INF2: variants seen among roughly 807,000 people sequenced by gnomAD.
INF2 encodes inverted formin-2.
INF2 carries 43 observed loss-of-function variants against 123.5 expected under a neutral mutation model. The ratio of observed to expected loss-of-function variants is 0.35; its 90% CI spans 0.27 to 0.45. The LOEUF is 0.45. INF2 is among the 20% of genes least tolerant of loss of function. The pLI is 1.00. For missense variants in INF2, 1,453 were observed against 1,682.7 expected (o/e 0.86, Z 2.39); for synonymous variants, 851 against 745.0 (o/e 1.14, Z -2.32).
chr14:104,685,559 G>A (rs1427340354), upstream of INF2, among the ~76,000 whole-genome samples: 1 of 148,284 alleles, frequency 6.7e-6, no homozygotes, highest in African/African-American at 2.5e-5. Context: ...GCCACAGCTG[G>A]AAGGGTGAGT....
chr14:104,689,291 A>G, upstream of INF2: 1 of 979,758 alleles, frequency 1.0e-6, no homozygotes, highest in Non-Finnish European at 1.2e-6. Flanking sequence ...ATAGGGGTGT[A>G]GGTGGACGGG....
At position 104,703,187 on chromosome 14, in the gene INF2, C is replaced by T. The variant is rs141172921; in HGVS notation, c.474C>T (p.His158=). The T allele has an allele frequency of 9.8e-5, 158 of 1,613,488 alleles. No homozygotes were observed. In the East Asian group the frequency reaches 1.5e-3, roughly 15 times the overall value. Residue 158 remains histidine (H), a synonymous_variant, in exon 3 of 23, where the codon CAC becomes CAT. Transcript: ENST00000392634. ...AALCIYSPEG[H]VLTLDALDHY... ...TGTGCATCTACTCTCCCGAGGGCCA[C>T]GTGCTGACCCTGGACGCCCTGGACC...
Position 104,712,846 on chromosome 14 carries a change from C to T in INF2, c.2629C>T (p.Arg877Trp), listed in dbSNP as rs762706488. 48 of 1,611,326 alleles carry T rather than the reference C, an allele frequency of 3.0e-5. No individual in the cohort carries two copies. Among genetic ancestry groups the T allele is most frequent in the Non-Finnish European group, 3.9e-5 (46 of 1,178,852 alleles). ...ERLQASISAF[R>W]ALDELFEAIE... is the part of the protein sequence containing the mutation. ...CCCCCAGGCCAGCATCTCGGCCTTC[C>T]GGGCACTGGATGAGCTGTTTGAGGC... Residue 877 changes from arginine (R) to tryptophan (W), a missense_variant, in exon 18 of 23, where the codon CGG (arginine) becomes TGG (tryptophan). Arg to Trp is a moderately radical substitution (Grantham distance 101). Around this residue, in one of 8 missense-constraint regions of INF2, gnomAD observed 212 missense variants for 266.2 expected, o/e 0.80. Transcript: ENST00000392634.
rs60660079 is a variant in INF2, at chr14:104,711,229, C to A, written c.2418+43C>A. ...GGGCATAATGGGAGGGCTTCAAGTCCCCCCGGACCTGGGGTGTAGAGGCGT... is the reference window on the plus strand; with the variant it reads ...GGGCATAATGGGAGGGCTTCAAGTCACCCCGGACCTGGGGTGTAGAGGCGT... On this transcript the variant is annotated intron_variant, in intron 15 of 22. Transcript: ENST00000392634. 13,504 of 1,478,116 alleles carry A rather than the reference C, an allele frequency of 9.1e-3. 1,083 individuals are homozygous for A. In the African/African-American group the frequency reaches 0.16, roughly 18 times the overall value. 91.6% of individuals were successfully genotyped at this position (1,478,116 alleles called of 1,614,324 possible). A position where few individuals can be genotyped will look rare whatever the true frequency, so the allele number is the denominator to read the frequency against.
chr14:104,709,254 C>T lies in INF2; in HGVS notation c.1950-27C>T, dbSNP rs777221513. ...TGGGGGTGACTCATGATTCACTCAC[C>T]CCTGCCCGGTCCTCTCCCTGCTCCA... On this transcript the variant is annotated intron_variant, in intron 10 of 22. Coordinates refer to ENST00000392634, the MANE Select transcript of INF2 (RefSeq NM_022489.4). The T allele has an allele frequency of 7.6e-6, 12 of 1,577,822 alleles. 1 individual carries two copies. In the South Asian group the frequency reaches 1.0e-4, roughly 13 times the overall value.
Position 104,710,078 on chromosome 14 carries a change from C to T in INF2, c.2139-10C>T. The T allele has an allele frequency of 6.5e-7, 1 of 1,545,702 alleles. No individual in the cohort carries two copies. The highest frequency in any genetic ancestry group is 8.7e-7 in the Non-Finnish European group (1 of 1,143,548). On this transcript the variant is annotated splice_polypyrimidine_tract_variant and intron_variant, in intron 12 of 22. Transcript: ENST00000392634. ...TGCAGGCCACTGATCCCTGTCTGTG[C>T]CATCCCCAGCTACCAGCTGCGAATC...
rs199526439 is a variant in INF2 at position 104,709,620 on chromosome 14, A to G, written c.2053A>G (p.Ile685Val). 2.5e-4 allele frequency: 397 copies of G among 1,612,126 alleles called. 6 individuals are homozygous for G. The Middle Eastern group carries it at 0.013, about 51-fold the overall frequency. Residue 685 changes from isoleucine to valine, a missense_variant and splice_region_variant, in exon 12 of 23, where the codon ATT (isoleucine) becomes GTT (valine). Physicochemically the swap from Ile to Val is conservative, Grantham distance 29 (BLOSUM62 3). Coordinates refer to ENST00000392634, the MANE Select transcript of INF2 (RefSeq NM_022489.4). ...CCACATGCCGTTCTCCTCCTGGCAG[A>G]TTGAAAACCTGCGGGCATTCACAGA... is the stretch of plus-strand genomic sequence containing the variant. ...LLKLLPEKHE[I>V]ENLRAFTEER... is the part of the protein sequence containing the mutation.
upstream of INF2, among the ~76,000 whole-genome samples, chr14:104,686,834 T>C (rs1888675922): frequency 6.6e-6 from 1 of 152,178 alleles, no homozygotes; most frequent in African/African-American, 2.4e-5. Flanking sequence ...CGCCCACACC[T>C]GCCTGCCTGT....
At position 104,711,165 on chromosome 14, in the gene INF2, G is replaced by A. The variant is rs757862665; in HGVS notation, c.2397G>A (p.Thr799=). 9 of 1,565,458 alleles carry A rather than the reference G, an allele frequency of 5.7e-6. No individual in the cohort carries two copies. In the East Asian group the frequency reaches 7.2e-5, roughly 13 times the overall value. Residue 799 remains threonine (T), a synonymous_variant, in exon 15 of 23, where the codon ACG becomes ACA. Coordinates refer to ENST00000392634, the MANE Select transcript of INF2 (RefSeq NM_022489.4). The part of the protein sequence containing the change: ...TETKSQQNRV[T]LLHHVLEEAE... ...CCAAGTCCCAGCAGAACCGCGTGAC[G>A]CTGCTGCACCACGTGCTGGAGGTGG...
intron 17 of INF2, 119 bp downstream of exon 17, chr14:104,712,672 G>C: frequency 6.5e-7 from 1 of 1,536,320 alleles, no homozygotes; most frequent in Middle Eastern, 1.8e-4. Flanking sequence ...GTTTCCCCAG[G>C]TGTGCATGGT....
intron 1 of INF2, among the ~76,000 whole-genome samples, chr14:104,701,133 T>C (rs938073360): frequency 4.6e-5 from 7 of 152,126 alleles, no homozygotes; most frequent in Non-Finnish European, 1.0e-4. Flanking sequence ...AGTAGGGCCC[T>C]TCCTGCCTGC....
chr14:104,711,120 A>G lies in INF2; in HGVS notation c.2352A>G (p.Thr784=), dbSNP rs1286221754. The change falls in exon 15 of 23, where the codon ACA becomes ACG. Residue 784 remains threonine (T), a synonymous_variant. Coordinates refer to ENST00000392634, the MANE Select transcript of INF2 (RefSeq NM_022489.4). ...ACGCCGACGGCTTCAAGATCAGCAC[A>G]TTGCTGAAGCTCACGGAGACCAAGT... ...TGDADGFKIS[T]LLKLTETKSQ... The G allele has an allele frequency of 2.5e-6, 4 of 1,584,588 alleles. No individual in the cohort carries two copies. Among genetic ancestry groups the G allele is most frequent in the South Asian group, 1.1e-5 (1 of 87,274 alleles).
rs546308812 is a variant in INF2, at chr14:104,709,864, C to T, written c.2138+159C>T. Among the ~76,000 whole-genome samples the T allele has an allele frequency of 9.7e-4, 148 of 152,298 alleles. 1 individual carries two copies. The highest frequency in any genetic ancestry group is 3.3e-3 in the African/African-American group (136 of 41,562). On this transcript the variant is annotated intron_variant, in intron 12 of 22. Transcript: ENST00000392634. The stretch of plus-strand genomic sequence containing the variant: ...AGCGGTTGGGCTTCTAAACATCACT[C>T]GAGCCCCACCCCCAGTCCTTCCCCT...
Position 104,714,872 on chromosome 14 carries a change from GC to G in INF2, c.3694+20del. On this transcript the variant is annotated intron_variant, in intron 21 of 22. Coordinates refer to ENST00000392634, the MANE Select transcript of INF2 (RefSeq NM_022489.4). ...AGCCAGGAAGGTAACTCAGGGAGGG[GC>G]CCCGGGCACCGTCCCACGCCAGGGC... is the stretch of plus-strand genomic sequence containing the variant. 6.5e-7 allele frequency: 1 copy of G among 1,530,626 alleles called. No homozygotes were observed. The highest frequency in any genetic ancestry group is 8.7e-7 in the Non-Finnish European group (1 of 1,146,630). 94.8% of individuals were successfully genotyped at this position (1,530,626 alleles called of 1,614,324 possible).
Position 104,713,467 on chromosome 14 carries a change from G to T in INF2, c.2901G>T (p.Gln967His). The change falls in exon 20 of 23, where the codon CAG (glutamine) becomes CAT (histidine). Residue 967 changes from glutamine to histidine, a missense_variant. By Grantham distance (24) the Gln-to-His change is conservative (BLOSUM62 0). This residue lies in a region of INF2 where 212 missense variants were observed against 266.2 expected (regional missense o/e 0.80). Coordinates refer to ENST00000392634, the MANE Select transcript of INF2 (RefSeq NM_022489.4). ...CAGTCAGGAAGGGGCCCGGGAAGCA[G>T]GAGGAGGTGTGTGTCATCGATGCCC... ...GKPVRKGPGK[Q>H]EEVCVIDALL... 1 of 1,611,476 alleles carries T rather than the reference G, an allele frequency of 6.2e-7. No individual in the cohort carries two copies. Among genetic ancestry groups the T allele is most frequent in the Non-Finnish European group, 8.5e-7 (1 of 1,179,404 alleles).
intron 1 of INF2, among the ~76,000 whole-genome samples, chr14:104,683,493 T>G (rs1026895206): frequency 3.4e-5 from 5 of 148,492 alleles, no homozygotes; most frequent in African/African-American, 1.0e-4. Flanking sequence ...GATGGGAGGG[T>G]AGAGGGGAGA....
At chr14:104,694,329 C>T (rs1335577963) in intron 1 of INF2, among the ~76,000 whole-genome samples, 1 of 152,386 alleles carries the variant, frequency 6.6e-6, no homozygotes, top group Non-Finnish European at 1.5e-5. Flanking sequence ...TGCCAAGCGG[C>T]ATGTTGCACC....
intron 1 of INF2, among the ~76,000 whole-genome samples, chr14:104,696,544 C>G (rs528553399): frequency 6.6e-6 from 1 of 152,298 alleles, no homozygotes; most frequent in Admixed American, 6.5e-5. Flanking sequence ...GTGACACATG[C>G]TGGAGGCTCA....
rs759926059 is a variant in INF2, at chr14:104,684,282, G to A, written c.-104+2700G>A. On this transcript the variant is annotated intron_variant, in intron 1 of 2. Transcript: ENST00000674723. This position sits in a 1 kb window ranked among gnomAD's most constrained non-coding sequence, Gnocchi z 5.0. Reference sequence around the variant, plus strand: ...GGAGGTCAGCAGGGAGGTGGACTGCGTCTCCCGAGGGCCAGCACTGGCTTA... The same window carrying A: ...GGAGGTCAGCAGGGAGGTGGACTGCATCTCCCGAGGGCCAGCACTGGCTTA... 1.9e-4 allele frequency: 71 copies of A among 383,720 alleles called. 1 individual carries two copies. The highest frequency in any genetic ancestry group is 7.6e-4 in the Middle Eastern group (1 of 1,310). 23.8% of individuals were successfully genotyped at this position (383,720 alleles called of 1,614,324 possible).
Sources: gnomAD v4.1 joint callset for allele counts (sites outside exome capture counted in the v4.1 genomes callset) on GRCh38, gnomAD v4.1.1 for gene constraint, gnomAD v4.1.1 regional missense constraint, Gnocchi (gnomAD v3.1) non-coding constraint, MANE v1.5 for transcripts, NCBI Gene and HGNC (gene_info 2026-07-23, HGNC 2026-07-21) for gene names.